AWAT1: variants seen among roughly 807,000 people sequenced by gnomAD.
AWAT1 encodes diacyl-glycerol acyltransferase 2.
Under a neutral mutation model 21.6 loss-of-function variants are expected in AWAT1, and 26 were observed. The observed-to-expected ratio is 1.20, with a 90% confidence interval of 0.88 to 1.67. AWAT1 has a LOEUF of 1.67. AWAT1 is among the 40% of genes most tolerant of loss of function. The pLI is 0.00. For missense variants in AWAT1, 264 were observed against 249.4 expected (o/e 1.06, Z -0.39); for synonymous variants, 102 against 99.3 (o/e 1.03, Z -0.16).
chrX:70,236,027 G>A, intron 2 of AWAT1, 42 bp from the exon 3 acceptor site: 1 of 1,102,421 alleles, frequency 9.1e-7, no homozygotes, highest in Middle Eastern at 2.5e-4. Flanking sequence ...TGTATGGGAT[G>A]GCACACACTG....
At chrX:70,240,074 G>C (rs2085531852) in intron 6 of AWAT1, 62 bp from the exon 7 acceptor site, 2 of 1,166,326 alleles carry the variant, frequency 1.7e-6, no homozygotes, top group Admixed American at 2.3e-5. Context: ...GTAGGAGAGG[G>C]AGGTTAAAGG....
At chrX:70,239,012 G>A (rs774345765) in intron 5 of AWAT1, among the ~76,000 whole-genome samples, 29 of 112,662 alleles carry the variant, frequency 2.6e-4, no homozygotes, top group African/African-American at 7.7e-4. Context: ...GACAATTGTC[G>A]TATTGCAGAC....
chrX:70,238,076 C>T (rs2085522365), intron 4 of AWAT1, 136 bp from the exon 5 acceptor site: 1 of 573,501 alleles, frequency 1.7e-6, no homozygotes, highest in Non-Finnish European at 2.6e-6. Flanking sequence ...CTTTTCTTCT[C>T]CACACTCTTT....
At chrX:70,236,336 C>G (rs968352178) in intron 3 of AWAT1, among the ~76,000 whole-genome samples, 197 bp downstream of exon 3, 1 of 112,043 alleles carries the variant, frequency 8.9e-6, no homozygotes, top group Non-Finnish European at 1.9e-5. Flanking sequence ...TTGGCATCAC[C>G]TGCCAGCTGA....
intron 3 of AWAT1, among the ~76,000 whole-genome samples, chrX:70,236,659 T>G (rs1310382450): frequency 9.0e-6 from 1 of 111,141 alleles, no homozygotes; most frequent in Non-Finnish European, 1.9e-5. Context: ...CAGGAAGAGG[T>G]TCCAGAAATG....
chrX:70,235,767 C>T lies in AWAT1; in HGVS notation c.128C>T (p.Pro43Leu), dbSNP rs757214193. The change falls in exon 2 of 7, where the codon CCG becomes CTG. Residue 43 changes from proline to leucine, a missense_variant. Coordinates refer to ENST00000374521, the MANE Select transcript of AWAT1 (RefSeq NM_001013579.3). ...TACCTGCTGTTTACATCCTTGTGGC[C>T]GCTACCAGTGCTTTACTTTGCCTGG... ...FVYLLFTSLW[P>L]LPVLYFAWLF... 1.2e-5 allele frequency: 15 copies of T among 1,210,907 alleles called. No homozygotes were observed. The Admixed American group carries it at 2.8e-4, about 23-fold the overall frequency.
intron 4 of AWAT1, 52 bp from the exon 5 acceptor site, chrX:70,238,160 C>G (rs895101368): frequency 1.1e-5 from 13 of 1,132,734 alleles, no homozygotes; most frequent in Non-Finnish European, 1.6e-5. Flanking sequence ...AGAGTGTTCC[C>G]TCTTAGCAAT....
chrX:70,236,957 G>A, intron 3 of AWAT1, 87 bp from the exon 4 acceptor site: 1 of 863,476 alleles, frequency 1.2e-6, no homozygotes, highest in Non-Finnish European at 1.7e-6. Flanking sequence ...GCTTTAGAGA[G>A]CACCCTGATC....
At chrX:70,239,960 C>T in intron 6 of AWAT1, 26 bp downstream of exon 6, 1 of 1,189,786 alleles carries the variant, frequency 8.4e-7, no homozygotes, top group Non-Finnish European at 1.1e-6. Context: ...AGCCCCAGTG[C>T]CACCTCAGGT....
At chrX:70,234,868 A>G in intron 1 of AWAT1, 97 bp downstream of exon 1, 1 of 766,515 alleles carries the variant, frequency 1.3e-6, no homozygotes, top group Non-Finnish European at 2.0e-6. Context: ...TCTCATTTTG[A>G]GCCTTTCCAT....
intron 3 of AWAT1, among the ~76,000 whole-genome samples, 160 bp downstream of exon 3, chrX:70,236,299 T>C (rs1009328138): frequency 1.8e-5 from 2 of 111,853 alleles, no homozygotes; most frequent in African/African-American, 6.5e-5. Flanking sequence ...GAGCACTCCA[T>C]ACTCAGCTAG....
In AWAT1 at chrX:70,240,133, C is replaced by A; in HGVS notation, c.833-3C>A. 1 of 1,210,071 alleles carries A rather than the reference C, an allele frequency of 8.3e-7. No homozygotes were observed. The highest frequency in any genetic ancestry group is 2.2e-5 in the Admixed American group (1 of 45,858). On this transcript the variant is annotated splice_region_variant and splice_polypyrimidine_tract_variant and intron_variant, in intron 6 of 6. Transcript: ENST00000374521. ...TCTTCTCTTTTCCGATCTCTCTTGG[C>A]AGTTGGGGAGCCTCTGCCACTGCCC...
chrX:70,235,971 C>T lies in AWAT1; in HGVS notation c.185-98C>T, dbSNP rs139444456. 5.2e-4 allele frequency: 489 copies of T among 933,662 alleles called. 2 individuals are homozygous for T. The East Asian group carries it at 0.013, about 26-fold the overall frequency. 76.9% of individuals were successfully genotyped at this position (933,662 alleles called of 1,213,427 possible). A position where few individuals can be genotyped will look rare whatever the true frequency, so the allele number is the denominator to read the frequency against. ...ACCATCCTAGGGTCTCCTCCTTTCC[C>T]ACCTCTCTAGCAGAGCCATGCTAGG... is the stretch of plus-strand genomic sequence containing the variant. On this transcript the variant is annotated intron_variant, in intron 2 of 6. Coordinates refer to ENST00000374521, the MANE Select transcript of AWAT1 (RefSeq NM_001013579.3).
At chrX:70,235,638 T>C in intron 1 of AWAT1, 78 bp from the exon 2 acceptor site, 1 of 700,512 alleles carries the variant, frequency 1.4e-6, no homozygotes, top group Non-Finnish European at 2.3e-6. Context: ...TTAGGTAATG[T>C]GGAGAGCTGG....
chrX:70,235,472 A>C (rs1403745832), intron 1 of AWAT1, among the ~76,000 whole-genome samples: 1 of 110,936 alleles, frequency 9.0e-6, no homozygotes, highest in Non-Finnish European at 1.9e-5. Flanking sequence ...AGGAGTACAG[A>C]GGTAGTGGCT....
chrX:70,239,233 A>C (rs1294092805), intron 5 of AWAT1, among the ~76,000 whole-genome samples: 1 of 112,386 alleles, frequency 8.9e-6, no homozygotes, highest in Non-Finnish European at 1.9e-5. Context: ...GCTGTGAGGA[A>C]CCAGTAAGGT....
chrX:70,236,324 C>A (rs182767473), intron 3 of AWAT1, among the ~76,000 whole-genome samples, 185 bp downstream of exon 3: 25 of 111,660 alleles, frequency 2.2e-4, no homozygotes, highest in African/African-American at 7.8e-4. Context: ...CTTTGGACAC[C>A]CTTGGCATCA....
intron 6 of AWAT1, 84 bp from the exon 7 acceptor site, chrX:70,240,052 G>C (rs1013184952): frequency 4.6e-5 from 53 of 1,151,591 alleles, no homozygotes; most frequent in Non-Finnish European, 6.2e-5. Context: ...GGATGCGAGA[G>C]TCAGGCCCAA....
At chrX:70,238,925 T>C (rs1205404380) in intron 5 of AWAT1, among the ~76,000 whole-genome samples, 1 of 112,779 alleles carries the variant, frequency 8.9e-6, no homozygotes, top group Non-Finnish European at 1.9e-5. Flanking sequence ...TAAATGTTAG[T>C]ATTTGTGATT....
Sources: allele counts gnomAD v4.1 joint callset (sites outside exome capture counted in the v4.1 genomes callset), GRCh38; gene constraint gnomAD v4.1.1; transcripts MANE v1.5; gene names NCBI Gene and HGNC (gene_info 2026-07-23, HGNC 2026-07-21).